Variants in ZDHHC21 observed in about 807,000 individuals in gnomAD.
ZDHHC21 encodes the protein zDHHC palmitoyltransferase 21, also known as palmitoyltransferase ZDHHC21.
Under a neutral mutation model 34.6 loss-of-function variants are expected in ZDHHC21, and 15 were observed. The ratio of observed to expected loss-of-function variants is 0.43; its 90% CI spans 0.29 to 0.67. The LOEUF (loss-of-function observed/expected upper bound fraction) is 0.67, where lower values mean the gene tolerates loss of function less well. Ranked by LOEUF, ZDHHC21 falls within the 30% of genes least tolerant of loss-of-function variation. The probability of loss-of-function intolerance (pLI) is 0.14; values close to 1 mark genes in which losing one functional copy is unlikely to be tolerated. For synonymous variants in ZDHHC21, 142 were observed against 101.8 expected (o/e 1.40, Z -2.38); for missense variants, 344 against 327.7 (o/e 1.05, Z -0.38).
chr9:14,650,076 G>C (rs1830958525), intron 7 of ZDHHC21, among the ~76,000 whole-genome samples: 2 of 151,922 alleles, frequency 1.3e-5, no homozygotes, highest in Non-Finnish European at 2.9e-5. Flanking sequence ...GTTTAATGAG[G>C]ACATATACTC....
At chr9:14,656,611 C>T (rs1249929030) in intron 7 of ZDHHC21, among the ~76,000 whole-genome samples, 2 of 151,762 alleles carry the variant, frequency 1.3e-5, no homozygotes, top group African/African-American at 2.4e-5. Context: ...AAAAGTACAC[C>T]GCTTGATACA....
intron 4 of ZDHHC21, 65 bp from the exon 5 acceptor site, chr9:14,672,993 AT>A (rs1835756261): frequency 3.8e-6 from 4 of 1,045,506 alleles, no homozygotes; most frequent in Non-Finnish European, 5.4e-6. Context: ...CAACAATCAT[AT>A]TTAAAGTTTA....
the ZDHHC21 span, among the ~76,000 whole-genome samples, chr9:14,594,513 C>T: frequency 6.6e-6 from 1 of 152,038 alleles, no homozygotes; most frequent in African/African-American, 2.4e-5. Flanking sequence ...TGTAACGAAA[C>T]AAAGAAAACT....
chr9:14,631,545 A>G (rs562105892), intron 8 of ZDHHC21, among the ~76,000 whole-genome samples: 2 of 152,314 alleles, frequency 1.3e-5, no homozygotes, highest in East Asian at 3.9e-4. Flanking sequence ...CTTTGCATTC[A>G]TAACTTGGCA....
chr9:14,643,512 T>G (rs1412692711), intron 7 of ZDHHC21, among the ~76,000 whole-genome samples: 2 of 152,170 alleles, frequency 1.3e-5, no homozygotes, highest in Non-Finnish European at 2.9e-5. Context: ...TAAACTAAAG[T>G]CTTAATTTTA....
At chr9:14,660,300 A>T (rs1425951905) in intron 6 of ZDHHC21, among the ~76,000 whole-genome samples, 2 of 129,240 alleles carry the variant, frequency 1.5e-5, no homozygotes, top group African/African-American at 5.8e-5. Flanking sequence ...CAGGAGGCAG[A>T]GGTTGCAGTG....
chr9:14,635,850 G>T (rs914411589), intron 8 of ZDHHC21, among the ~76,000 whole-genome samples: 12 of 152,112 alleles, frequency 7.9e-5, no homozygotes, highest in Non-Finnish European at 1.6e-4. Flanking sequence ...AATAGAGCAA[G>T]ACTCTGTCTC....
intron 2 of ZDHHC21, among the ~76,000 whole-genome samples, chr9:14,689,525 A>G (rs979885515): frequency 6.6e-6 from 1 of 152,216 alleles, no homozygotes; most frequent in African/African-American, 2.4e-5. Flanking sequence ...GGCAAAATTG[A>G]GCATAAGCTG....
chr9:14,663,020 G>C (rs867533613), intron 5 of ZDHHC21, among the ~76,000 whole-genome samples: 4 of 152,116 alleles, frequency 2.6e-5, no homozygotes, highest in African/African-American at 4.8e-5. Flanking sequence ...CCACCAACTA[G>C]CAATTTCCTC....
chr9:14,658,890 A>T lies in ZDHHC21; in HGVS notation c.366-3T>A, dbSNP rs763841951. Reference sequence around the variant, plus strand: ...CTTCACCAACACAATTGTTAATCCTAAAGAAAAAAAATGAAAAAGAAACAA... The same window carrying T: ...CTTCACCAACACAATTGTTAATCCTTAAGAAAAAAAATGAAAAAGAAACAA... On this transcript the variant is annotated splice_region_variant and splice_polypyrimidine_tract_variant and intron_variant, in intron 6 of 9. Transcript: ENST00000380916. 5.6e-6 allele frequency: 9 copies of T among 1,597,608 alleles called. No homozygotes were observed. In the African/African-American group the frequency reaches 1.2e-4, roughly 22 times the overall value.
intron 7 of ZDHHC21, among the ~76,000 whole-genome samples, chr9:14,653,082 A>G (rs1435762400): frequency 6.6e-6 from 1 of 151,982 alleles, no homozygotes; most frequent in Non-Finnish European, 1.5e-5. Flanking sequence ...TATGTATAAT[A>G]ATCATTAATG....
the ZDHHC21 span, among the ~76,000 whole-genome samples, chr9:14,595,992 A>G: frequency 1.3e-5 from 2 of 152,246 alleles, no homozygotes; most frequent in African/African-American, 4.8e-5. Flanking sequence ...GTAAAATGGC[A>G]TGATCATGAA....
intron 2 of ZDHHC21, among the ~76,000 whole-genome samples, chr9:14,683,328 G>A (rs1200378265): frequency 6.6e-6 from 1 of 151,288 alleles, no homozygotes; most frequent in Non-Finnish European, 1.5e-5. Context: ...AGAAAAGAGA[G>A]AAGAATCAAA....
At chr9:14,621,369 G>A (rs1310520204) in intron 8 of ZDHHC21, among the ~76,000 whole-genome samples, 1 of 151,798 alleles carries the variant, frequency 6.6e-6, no homozygotes, top group African/African-American at 2.4e-5. Context: ...TAATCCTGAA[G>A]GATTTATTTG....
intron 9 of ZDHHC21, 51 bp from the exon 10 acceptor site, chr9:14,619,149 C>G: frequency 6.5e-7 from 1 of 1,548,904 alleles, no homozygotes. Context: ...TGGTGCACTT[C>G]AGTCAGCTAA....
intron 8 of ZDHHC21, among the ~76,000 whole-genome samples, chr9:14,637,082 A>G (rs191243962): frequency 2.6e-5 from 4 of 151,806 alleles, no homozygotes; most frequent in Admixed American, 2.6e-4. Context: ...AAAAGAGACT[A>G]AAAAAAATAT....
At chr9:14,623,578 C>G (rs1458622818) in intron 8 of ZDHHC21, among the ~76,000 whole-genome samples, 1 of 147,550 alleles carries the variant, frequency 6.8e-6, no homozygotes, top group Admixed American at 6.8e-5. Context: ...GGAAGAAAAT[C>G]TCTGCAACTA....
In ZDHHC21 at chr9:14,619,058, C is replaced by A. The variant is rs1202286825; in HGVS notation, c.706G>T (p.Val236Phe). 6.2e-7 allele frequency: 1 copy of A among 1,612,012 alleles called. No individual in the cohort carries two copies. The stretch of plus-strand genomic sequence containing the variant: ...AGGATCTTCCAACGAGTGCCAAAAA[C>A]TTCTGAGAAGGTCTGCTGCCATGGC... ...RKPWQQTFSE[V>F]FGTRWKILWF... is the part of the protein sequence containing the mutation. Residue 236 changes from valine to phenylalanine, a missense_variant, in exon 10 of 10, where the codon GTT becomes TTT. Coordinates refer to ENST00000380916, the MANE Select transcript of ZDHHC21 (RefSeq NM_178566.6).
rs141501695 is a variant in ZDHHC21 at position 14,657,674 on chromosome 9, C to T, written c.504+1075G>A. Among the ~76,000 whole-genome samples the T allele has an allele frequency of 4.6e-5, 7 of 152,148 alleles. No homozygotes were observed. The East Asian group carries it at 1.4e-3, about 29-fold the overall frequency. ...AAAACTTTTTTTTAACAAAAACAGG[C>T]AGAGGGCTGAATTTAAACCAAGGCC... On this transcript the variant is annotated intron_variant, in intron 7 of 9. Coordinates refer to ENST00000380916, the MANE Select transcript of ZDHHC21 (RefSeq NM_178566.6).
Sources: allele counts gnomAD v4.1 joint callset (sites outside exome capture counted in the v4.1 genomes callset), GRCh38; gene constraint gnomAD v4.1.1; transcripts MANE v1.5; gene names NCBI Gene and HGNC (gene_info 2026-07-23, HGNC 2026-07-21).